The following ZNF761 variants were observed in gnomAD, a reference collection of about 807,000 sequenced individuals.
The protein encoded by ZNF761 is zinc finger protein 761.
In ZNF761, 43 loss-of-function variants were observed where a neutral mutation model predicts 59.9. The observed-to-expected ratio is 0.72, with a 90% CI of 0.56 to 0.92. The LOEUF (loss-of-function observed/expected upper bound fraction) is 0.92. ZNF761 is among the 40% of genes least tolerant of loss of function. The pLI, the probability that ZNF761 is intolerant of heterozygous loss-of-function variation, is 0.00. For synonymous variants in ZNF761, 294 were observed against 304.8 expected, an observed-to-expected ratio of 0.96 and a Z score of 0.37; for missense variants, 850 against 906.1, an observed-to-expected ratio of 0.94 and a Z score of 0.79.
intron 4 of ZNF761, chr19:53,450,175 G>A: frequency 4.9e-6 from 1 of 205,604 alleles, no homozygotes; most frequent in South Asian, 1.8e-4. Context: ...TGGTGGCATG[G>A]GCCTGTAATC....
At chr19:53,442,510 T>C (rs2086111554) in intron 1 of ZNF761, 1 of 725,892 alleles carries the variant, frequency 1.4e-6, no homozygotes. Flanking sequence ...GAAAAGACAA[T>C]TGATGACTTG....
chr19:53,451,684 G>T (rs1293798457), intron 4 of ZNF761, among the ~76,000 whole-genome samples: 1 of 151,556 alleles, frequency 6.6e-6, no homozygotes, highest in Non-Finnish European at 1.5e-5. Flanking sequence ...CCAGGTTCAA[G>T]TGATTCTCCT....
intron 3 of ZNF761, among the ~76,000 whole-genome samples, chr19:53,448,349 GATGT>G (rs2086182886): frequency 6.6e-6 from 1 of 152,102 alleles, no homozygotes; most frequent in African/African-American, 2.4e-5. Context: ...ACCATCACAT[GATGT>G]ATCCATTTGT....
Position 53,456,920 on chromosome 19 carries a change from G to A in ZNF761, c.*172G>A. The A allele has an allele frequency of 3.6e-6, 3 of 837,038 alleles. No individual in the cohort carries two copies. Among genetic ancestry groups the A allele is most frequent in the Non-Finnish European group, 5.7e-6 (3 of 522,956 alleles). The allele number at this position is 837,038 out of a possible 1,614,324, so 51.9% of individuals were successfully genotyped here. ...GAGAAAGCTTATAAATGTGAAGAAT[G>A]TCACAAAGTTTACAGTCGCACATCA... On this transcript the variant is annotated 3_prime_UTR_variant, in exon 5 of 5. Transcript: ENST00000684525.
chr19:53,449,345 T>C (rs62115390), intron 3 of ZNF761, among the ~76,000 whole-genome samples, 167 bp from the exon 4 acceptor site: 4 of 152,004 alleles, frequency 2.6e-5, no homozygotes, highest in African/African-American at 9.7e-5. Context: ...AAAAAAATTT[T>C]AGTAAAACAC....
At chr19:53,438,416 C>A (rs1421612463) in intron 1 of ZNF761, among the ~76,000 whole-genome samples, 3 of 152,196 alleles carry the variant, frequency 2.0e-5, no homozygotes, top group Non-Finnish European at 4.4e-5. Flanking sequence ...ACGCCATGAT[C>A]CTATAAGTTG....
In ZNF761 at chr19:53,455,280, C is replaced by G; in HGVS notation, c.773C>G (p.Ala258Gly). The G allele has an allele frequency of 1.2e-6, 2 of 1,614,190 alleles. No individual in the cohort carries two copies. The highest frequency in any genetic ancestry group is 1.7e-6 in the Non-Finnish European group (2 of 1,180,040). ...CTCTTTAATCAGAAGCGAAACCTAGCATGCCATCGTAGATGTCACACTGGT... is the reference window on the plus strand; with the variant it reads ...CTCTTTAATCAGAAGCGAAACCTAGGATGCCATCGTAGATGTCACACTGGT... ...GKLFNQKRNL[A>G]CHRRCHTGEN... The change falls in exon 5 of 5, where the codon GCA becomes GGA. Residue 258 changes from alanine to glycine, a missense_variant. Transcript: ENST00000684525.
chr19:53,456,411 A>G lies in ZNF761; in HGVS notation c.1904A>G (p.Lys635Arg). ...CTTCATACCGGAGAGAAACCTTACA[A>G]ATGTGAAGAATGTGACAAAGCTTTC... ...RRLHTGEKPY[K>R]CEECDKAFRV... is the part of the protein sequence containing the mutation. The change falls in exon 5 of 5, where the codon AAA becomes AGA. Residue 635 changes from lysine (K) to arginine (R), a missense_variant. By Grantham distance (26) the Lys-to-Arg change is conservative. Transcript: ENST00000684525. 2 of 1,613,690 alleles carry G rather than the reference A, an allele frequency of 1.2e-6. No homozygotes were observed. The highest frequency in any genetic ancestry group is 1.7e-6 in the Non-Finnish European group (2 of 1,179,850).
intron 1 of ZNF761, chr19:53,442,067 C>G (rs112282734): frequency 1.1e-6 from 1 of 894,066 alleles, no homozygotes; most frequent in Non-Finnish European, 1.8e-6. Context: ...TGCTCAGGAG[C>G]GCCTGGCCAC....
At chr19:53,442,145 G>T (rs2086107530) in intron 1 of ZNF761, 1 of 1,103,998 alleles carries the variant, frequency 9.1e-7, no homozygotes, top group Non-Finnish European at 1.4e-6. Flanking sequence ...AAAGGTTATT[G>T]AAATCTGGGC....
Position 53,455,496 on chromosome 19 carries a change from AGT to A in ZNF761, c.993_994del (p.Cys331TrpfsTer5). ...GAAGAGAAACCATATAAGTGTAATG[AGT>A]GTGGCAAGACCTTTAGGCAGAAGTC... On this transcript the variant is annotated frameshift_variant, in exon 5 of 5. Coordinates refer to ENST00000684525, the MANE Select transcript of ZNF761 (RefSeq NM_001289951.2). LOFTEE classifies it high-confidence loss of function. 1 of 1,614,082 alleles carries A rather than the reference AGT, an allele frequency of 6.2e-7. No homozygotes were observed. Among genetic ancestry groups the A allele is most frequent in the South Asian group, 1.1e-5 (1 of 91,066 alleles).
Position 53,455,099 on chromosome 19 carries a change from A to T in ZNF761, c.592A>T (p.Asn198Tyr), listed in dbSNP as rs750787272. 2 of 1,614,076 alleles carry T rather than the reference A, an allele frequency of 1.2e-6. No individual in the cohort carries two copies. Among genetic ancestry groups the T allele is most frequent in the Non-Finnish European group, 8.5e-7 (1 of 1,180,042 alleles). The change falls in exon 5 of 5, where the codon AAT becomes TAT. Residue 198 changes from asparagine to tyrosine, a missense_variant. Coordinates refer to ENST00000684525, the MANE Select transcript of ZNF761 (RefSeq NM_001289951.2). ...ISNNHGNNFWNSSLLTQKQEV... is the reference protein window; with the variant it reads ...ISNNHGNNFWYSSLLTQKQEV... ...TAATAACCATGGGAATAATTTCTGG[A>T]ATTCTTCATTACTCACACAAAAACA...
intron 1 of ZNF761, among the ~76,000 whole-genome samples, chr19:53,445,688 TA>T (rs199913667): frequency 8.6e-5 from 13 of 151,948 alleles, no homozygotes; most frequent in Admixed American, 5.2e-4. Flanking sequence ...AAAATAAAAT[TA>T]AAAAAAATTT....
chr19:53,455,248 T>C lies in ZNF761; in HGVS notation c.741T>C (p.Cys247=), dbSNP rs1244165101. ...HLADKYKCDV[C]GKLFNQKRNL... ...CAGACAAATATAAATGTGATGTATG[T>C]GGCAAGCTCTTTAATCAGAAGCGAA... Residue 247 remains cysteine, a synonymous_variant, in exon 5 of 5, where the codon TGT becomes TGC. Transcript: ENST00000684525. 1 of 1,614,096 alleles carries C rather than the reference T, an allele frequency of 6.2e-7. No individual in the cohort carries two copies. Among genetic ancestry groups the C allele is most frequent in the East Asian group, 2.2e-5 (1 of 44,890 alleles).
At chr19:53,450,965 C>G (rs58299735) in intron 4 of ZNF761, among the ~76,000 whole-genome samples, 29,626 of 150,686 alleles carry the variant, frequency 0.2, 3,064 homozygotes, top group African/African-American at 0.26. Context: ...TGCACTCCAG[C>G]CTGGGCGATA....
At chr19:53,435,467 T>G (rs1320085776) in intron 1 of ZNF761, among the ~76,000 whole-genome samples, 2 of 151,518 alleles carry the variant, frequency 1.3e-5, no homozygotes, top group Non-Finnish European at 2.9e-5. Context: ...ACCATGCCTG[T>G]TTAATTTTGT....
At chr19:53,432,421 C>T (rs904427078) in intron 1 of ZNF761, among the ~76,000 whole-genome samples, 5 of 152,170 alleles carry the variant, frequency 3.3e-5, no homozygotes. Flanking sequence ...GTCCTAGGAT[C>T]CTGCAGACCC....
At position 53,454,632 on chromosome 19, in the gene ZNF761, G is replaced by A. The variant is rs367690444; in HGVS notation, c.143-18G>A. ...ATCTGTACTTAATTTGAAAGCTTTC[G>A]GTGTTTATGTTTTGTAGATATCTCT... On this transcript the variant is annotated intron_variant, in intron 4 of 4. Transcript: ENST00000684525. The A allele has an allele frequency of 2.6e-5, 40 of 1,554,842 alleles. No homozygotes were observed. The highest frequency in any genetic ancestry group is 6.2e-5 in the South Asian group (5 of 80,482).
rs1236204202 is a variant in ZNF761 at position 53,449,602 on chromosome 19, G to A, written c.106G>A (p.Val36Met). 27 of 1,611,284 alleles carry A rather than the reference G, an allele frequency of 1.7e-5. No individual in the cohort carries two copies. Among genetic ancestry groups the A allele is most frequent in the African/African-American group, 5.4e-5 (4 of 74,336 alleles). The change falls in exon 4 of 5, where the codon GTG becomes ATG. Residue 36 changes from valine (V) to methionine (M), a missense_variant. Transcript: ENST00000684525. ...TGCTCAGAGGACTCTATACAGGGAC[G>A]TGATGCTGGAGAATTATAGGAACCT... ...DPAQRTLYRD[V>M]MLENYRNLVS...
Sources: gnomAD v4.1 joint callset for allele counts (sites outside exome capture counted in the v4.1 genomes callset) on GRCh38, gnomAD v4.1.1 for gene constraint, MANE v1.5 for transcripts, NCBI Gene and HGNC (gene_info 2026-07-23, HGNC 2026-07-21) for gene names.